ATAD2B: variants seen among roughly 807,000 people sequenced by gnomAD.
ATAD2B encodes ATPase family AAA domain-containing protein 2B.
A neutral mutation model predicts 167.6 loss-of-function variants in ATAD2B; 40 were observed. The observed-to-expected ratio is 0.24, with a 90% CI of 0.19 to 0.31. ATAD2B has a LOEUF of 0.31. ATAD2B is among the 10% of genes least tolerant of loss of function. The pLI, the probability that ATAD2B is intolerant of heterozygous loss-of-function variation, is 1.00. For synonymous variants in ATAD2B, 579 were observed against 596.5 expected (o/e 0.97, Z 0.43); for missense variants, 1,242 against 1,757.2 (o/e 0.71, Z 5.24).
At chr2:23,872,368 A>C in intron 8 of ATAD2B, 1 of 645,348 alleles carries the variant, frequency 1.5e-6, no homozygotes, top group Non-Finnish European at 2.9e-6. Flanking sequence ...GACAATGGGA[A>C]TACTAGTCGG....
chr2:23,726,355 C>T, the ATAD2B span, among the ~76,000 whole-genome samples: 1 of 151,244 alleles, frequency 6.6e-6, no homozygotes, highest in South Asian at 2.1e-4. Context: ...TTACTGATAA[C>T]ATAAACAGTT....
the ATAD2B span, among the ~76,000 whole-genome samples, chr2:23,719,464 C>T: frequency 6.6e-6 from 1 of 152,180 alleles, no homozygotes; most frequent in South Asian, 2.1e-4. Context: ...ACTTCCCCCA[C>T]TCCATCCAGA....
intron 8 of ATAD2B, among the ~76,000 whole-genome samples, chr2:23,871,413 C>G (rs1409691201): frequency 6.6e-6 from 1 of 152,186 alleles, no homozygotes; most frequent in Non-Finnish European, 1.5e-5. Context: ...TACCAACTTT[C>G]AACTCATCAA....
At chr2:23,843,075 T>G (rs1339298271) in intron 13 of ATAD2B, among the ~76,000 whole-genome samples, 1 of 152,058 alleles carries the variant, frequency 6.6e-6, no homozygotes, top group African/African-American at 2.4e-5. Flanking sequence ...TAACAGAATT[T>G]TAAAGCAACT....
the ATAD2B span, among the ~76,000 whole-genome samples, chr2:23,739,143 A>G: frequency 6.6e-5 from 10 of 152,330 alleles, no homozygotes; most frequent in African/African-American, 2.4e-4. Flanking sequence ...CAGATCAACG[A>G]GACAGGAAGT....
chr2:23,925,618 C>A (rs1704636654), intron 1 of ATAD2B, among the ~76,000 whole-genome samples: 1 of 152,164 alleles, frequency 6.6e-6, no homozygotes, highest in South Asian at 2.1e-4. Context: ...CATAGTAAAA[C>A]AAACGTGTCA....
chr2:23,774,481 T>A (rs1678788177), intron 22 of ATAD2B, among the ~76,000 whole-genome samples: 1 of 152,122 alleles, frequency 6.6e-6, no homozygotes, highest in African/African-American at 2.4e-5. Context: ...CAGAAAAACA[T>A]TTTAACTATA....
At chr2:23,880,107 T>C (rs1164933127) in intron 7 of ATAD2B, among the ~76,000 whole-genome samples, 1 of 151,260 alleles carries the variant, frequency 6.6e-6, no homozygotes, top group Non-Finnish European at 1.5e-5. Flanking sequence ...AGAACTGCTA[T>C]AAATTAAAGT....
At chr2:23,871,575 C>T (rs1695982453) in intron 8 of ATAD2B, among the ~76,000 whole-genome samples, 1 of 152,166 alleles carries the variant, frequency 6.6e-6, no homozygotes. Flanking sequence ...TGCTGAATTC[C>T]AACCCTGTAC....
In ATAD2B at chr2:23,777,348, A is replaced by ATATATT. The variant is rs1553380262; in HGVS notation, c.3133+5520_3133+5521insAATATA. Reference sequence around the variant, plus strand: ...GCATTATGGATCTATCATAATACTGATATATCTATATCTATATCTATATCT... The same window carrying ATATATT: ...GCATTATGGATCTATCATAATACTGATATATTTATATCTATATCTATATCTATATCT... On this transcript the variant is annotated intron_variant, in intron 22 of 27. Coordinates refer to ENST00000238789, the MANE Select transcript of ATAD2B (RefSeq NM_017552.4). Among the ~76,000 whole-genome samples the ATATATT allele has an allele frequency of 2.7e-5, 4 of 146,334 alleles. No individual in the cohort carries two copies. In the Admixed American group the frequency reaches 2.8e-4, roughly 10 times the overall value.
intron 1 of ATAD2B, among the ~76,000 whole-genome samples, chr2:23,920,184 ACTGACACATG>A (rs1703703834): frequency 6.6e-6 from 1 of 151,938 alleles, no homozygotes; most frequent in Non-Finnish European, 1.5e-5. Context: ...TTGGGCACTG[ACTGACACATG>A]CTGTTCTAGG....
At chr2:23,835,699 G>T (rs767559391) in intron 13 of ATAD2B, among the ~76,000 whole-genome samples, 2 of 152,166 alleles carry the variant, frequency 1.3e-5, no homozygotes, top group Non-Finnish European at 2.9e-5. Flanking sequence ...ACTTTGGGAG[G>T]CTGAGGTGGG....
chr2:23,817,860 C>T lies in ATAD2B; in HGVS notation c.2267+1887G>A, dbSNP rs2149596573. 2.6e-5 allele frequency among the ~76,000 whole-genome samples: 4 copies of T among 152,104 alleles called. 1 individual carries two copies. In the South Asian group the frequency reaches 8.3e-4, roughly 32 times the overall value. On this transcript the variant is annotated intron_variant, in intron 17 of 27. Transcript: ENST00000238789. Reference sequence around the variant, plus strand: ...TCAGAAAAGCTAAAACAAAATGAGCCATACCAATGTTTCACATTAAATCAG... The same window carrying T: ...TCAGAAAAGCTAAAACAAAATGAGCTATACCAATGTTTCACATTAAATCAG...
At chr2:23,718,416 GC>G in the ATAD2B span, among the ~76,000 whole-genome samples, 254 of 152,340 alleles carry the variant, frequency 1.7e-3, 5 homozygotes, top group South Asian at 0.028. Context: ...TGTCTTAGGA[GC>G]CTGAGAGTCA....
chr2:23,863,601 C>G, intron 11 of ATAD2B, 46 bp from the exon 12 acceptor site: 1 of 1,453,140 alleles, frequency 6.9e-7, no homozygotes, highest in Non-Finnish European at 9.2e-7. Context: ...ATTATCATCA[C>G]TGCTGATAAC....
In ATAD2B at chr2:23,754,275, G is replaced by T. The variant is rs191274942; in HGVS notation, c.4239C>A (p.Asn1413Lys). 107 of 1,566,146 alleles carry T rather than the reference G, an allele frequency of 6.8e-5. No homozygotes were observed. In the African/African-American group the frequency reaches 1.4e-3, roughly 20 times the overall value. Reference protein sequence around the residue: ...KLLDLLVDKSNNLAVDQLERL... With the variant: ...KLLDLLVDKSKNLAVDQLERL... ...TCTCAAGCTGATCAACTGCCAGATT[G>T]TTGCTTTTATCCACCAACAAATCAA... is the stretch of plus-strand genomic sequence containing the variant. Residue 1413 changes from asparagine to lysine, a missense_variant, in exon 27 of 28, where the codon AAC becomes AAA. Coordinates refer to ENST00000238789, the MANE Select transcript of ATAD2B (RefSeq NM_017552.4).
chr2:23,761,827 C>A (rs763776815), intron 24 of ATAD2B, among the ~76,000 whole-genome samples: 5 of 152,152 alleles, frequency 3.3e-5, no homozygotes, highest in Non-Finnish European at 5.9e-5. Context: ...ATCAGACACA[C>A]CCACATGCGG....
chr2:23,738,744 C>T, the ATAD2B span, among the ~76,000 whole-genome samples: 115 of 152,302 alleles, frequency 7.6e-4, no homozygotes, highest in African/African-American at 2.7e-3. Context: ...AATTAAAAGA[C>T]ACAGACTGGC....
chr2:23,860,367 A>C (rs1018078021), intron 12 of ATAD2B, among the ~76,000 whole-genome samples: 1 of 152,190 alleles, frequency 6.6e-6, no homozygotes, highest in East Asian at 1.9e-4. Flanking sequence ...CTTTCCTTAC[A>C]TAGTTAGACC....
Sources: allele counts gnomAD v4.1 joint callset (sites outside exome capture counted in the v4.1 genomes callset), GRCh38; gene constraint gnomAD v4.1.1; transcripts MANE v1.5; gene names NCBI Gene and HGNC (gene_info 2026-07-23, HGNC 2026-07-21).